DDX50: variants seen among roughly 807,000 people sequenced by gnomAD.
DDX50 encodes the protein ATP-dependent RNA helicase DDX50.
In DDX50, 56 loss-of-function variants were observed where a neutral mutation model predicts 94.8. The observed-to-expected ratio is 0.59, with a 90% CI of 0.48 to 0.74. The LOEUF is 0.74. Ranked by LOEUF, DDX50 falls within the 30% of genes least tolerant of loss-of-function variation. DDX50 has a pLI of 0.00. For synonymous variants in DDX50, 264 were observed against 295.4 expected (o/e 0.89, Z 1.09); for missense variants, 713 against 881.2 (o/e 0.81, Z 2.42).
intron 1 of DDX50, among the ~76,000 whole-genome samples, chr10:68,906,048 T>G (rs888934054): frequency 2.6e-5 from 4 of 152,118 alleles, no homozygotes; most frequent in African/African-American, 4.8e-5. Flanking sequence ...CCCGGTAGGG[T>G]TTGGGGCCTG....
chr10:68,923,111 TAA>T (rs71474455), intron 8 of DDX50, among the ~76,000 whole-genome samples: 18 of 114,448 alleles, frequency 1.6e-4, no homozygotes, highest in African/African-American at 2.1e-4. Context: ...CCCTTTCTCT[TAA>T]AAAAAAAAAA....
intron 8 of DDX50, among the ~76,000 whole-genome samples, chr10:68,923,831 AC>A (rs1444789725): frequency 6.6e-6 from 1 of 151,244 alleles, no homozygotes; most frequent in Non-Finnish European, 1.5e-5. Context: ...GACGTGAGCC[AC>A]CATACCCGGC....
In DDX50 at chr10:68,913,325, CATATTT is replaced by C. The variant is rs754550593; in HGVS notation, c.757+48_757+53del. 3.1e-6 allele frequency: 5 copies of C among 1,601,862 alleles called. No individual in the cohort carries two copies. The South Asian group carries it at 5.6e-5, about 18-fold the overall frequency. On this transcript the variant is annotated intron_variant, in intron 5 of 14. Coordinates refer to ENST00000373585, the MANE Select transcript of DDX50 (RefSeq NM_024045.2). ...GACGTGCAAAGGCATATTTGATACT[CATATTT>C]AAATAAATAATGTGAAAGTTTGAAT...
At chr10:68,940,991 ATAGAGT>A (rs1342324688) in intron 12 of DDX50, 63 bp from the exon 13 acceptor site, 2 of 1,547,814 alleles carry the variant, frequency 1.3e-6, no homozygotes, top group Non-Finnish European at 1.7e-6. Context: ...TTGAAGGATT[ATAGAGT>A]TAGAATTTCA....
chr10:68,924,128 C>T (rs1412061949), intron 8 of DDX50, among the ~76,000 whole-genome samples: 2 of 150,862 alleles, frequency 1.3e-5, no homozygotes, highest in Non-Finnish European at 3.0e-5. Context: ...GGTGGCACCA[C>T]GCCCAGCTAA....
At chr10:68,920,439 T>G (rs554085393) in intron 8 of DDX50, among the ~76,000 whole-genome samples, 1 of 152,242 alleles carries the variant, frequency 6.6e-6, no homozygotes, top group South Asian at 2.1e-4. Context: ...ATGCTGGGAT[T>G]ACAGGTGTGA....
intron 4 of DDX50, among the ~76,000 whole-genome samples, chr10:68,912,171 A>G (rs1366857247): frequency 6.6e-6 from 1 of 152,076 alleles, no homozygotes. Context: ...GAAATAGGAC[A>G]TAGGATATAA....
At chr10:68,905,242 A>C (rs549327514) in intron 1 of DDX50, among the ~76,000 whole-genome samples, 37 of 152,280 alleles carry the variant, frequency 2.4e-4, no homozygotes, top group African/African-American at 8.9e-4. Flanking sequence ...TAAATTCCCA[A>C]ATCATTTATT....
chr10:68,944,792 G>A (rs1410908708), intron 14 of DDX50, among the ~76,000 whole-genome samples: 1 of 151,998 alleles, frequency 6.6e-6, no homozygotes, highest in East Asian at 1.9e-4. Context: ...TGATCCGCCC[G>A]CCTCGGCCTC....
At chr10:68,944,282 C>T (rs917944854) in intron 14 of DDX50, among the ~76,000 whole-genome samples, 15 of 152,044 alleles carry the variant, frequency 9.9e-5, no homozygotes, top group African/African-American at 3.4e-4. Flanking sequence ...ATAGGTTCTT[C>T]CTCCTCCCTC....
In DDX50 at chr10:68,934,926, G is replaced by C. The variant is rs1400998501; in HGVS notation, c.1521+8G>C. ...TATGTGGAACAAAAAGCAGTAAGTA[G>C]AGTTAAATTATTTCAGGCTTATTGT... On this transcript the variant is annotated splice_region_variant and intron_variant, in intron 10 of 14. Coordinates refer to ENST00000373585, the MANE Select transcript of DDX50 (RefSeq NM_024045.2). The surrounding 1 kb of genome is among the most constrained non-coding windows in gnomAD (Gnocchi z 4.0). 2 of 1,609,238 alleles carry C rather than the reference G, an allele frequency of 1.2e-6. No homozygotes were observed. The highest frequency in any genetic ancestry group is 2.2e-5 in the South Asian group (2 of 90,068).
chr10:68,905,473 AG>A (rs1464137337), intron 1 of DDX50, among the ~76,000 whole-genome samples: 1 of 152,090 alleles, frequency 6.6e-6, no homozygotes, highest in Non-Finnish European at 1.5e-5. Context: ...AAGTGCAGGG[AG>A]GAAGCATAAT....
intron 1 of DDX50, among the ~76,000 whole-genome samples, chr10:68,902,025 TGTCA>T (rs1841299975): frequency 6.6e-6 from 1 of 151,888 alleles, no homozygotes; most frequent in Admixed American, 6.6e-5. Flanking sequence ...TAGCCTTTAC[TGTCA>T]GTATTTTCAT....
In DDX50 at chr10:68,901,328, C is replaced by T. The variant is rs5030889; in HGVS notation, c.-57C>T. 43,977 of 1,459,802 alleles carry T rather than the reference C, an allele frequency of 0.03. 927 individuals carry two copies. The highest frequency in any genetic ancestry group is 0.043 in the Middle Eastern group (182 of 4,208). 90.4% of individuals were successfully genotyped at this position (1,459,802 alleles called of 1,614,324 possible). A position where few individuals can be genotyped will look rare whatever the true frequency, so the allele number is the denominator to read the frequency against. On this transcript the variant is annotated 5_prime_UTR_variant, in exon 1 of 15. Transcript: ENST00000373585. The stretch of plus-strand genomic sequence containing the variant: ...TTGCCCCCGCTTCCTTTCACGCTGT[C>T]GCTGCCCGTAGGTGGTTGTGGCCAC...
chr10:68,901,519 GC>G, intron 1 of DDX50, 48 bp downstream of exon 1: 1 of 1,533,766 alleles, frequency 6.5e-7, no homozygotes, highest in Non-Finnish European at 8.8e-7. Flanking sequence ...GCCGGCTTGG[GC>G]GGGGAGGGGA....
intron 14 of DDX50, among the ~76,000 whole-genome samples, chr10:68,945,866 C>T (rs1336247526): frequency 3.3e-5 from 5 of 152,060 alleles, no homozygotes; most frequent in Non-Finnish European, 7.4e-5. Context: ...GGCCTGTCTG[C>T]TTTGTGCTGA....
rs541739660 is a variant in DDX50, at chr10:68,929,445, G to T, written c.1240-4754G>T. ...CCTTCTTTTCTTTCTTTTCTTTCCA[G>T]ATGGAGTTTCACTCTTGTTGCCCAG... On this transcript the variant is annotated intron_variant, in intron 8 of 14. Transcript: ENST00000373585. Among the ~76,000 whole-genome samples the T allele has an allele frequency of 1.9e-3, 263 of 138,216 alleles. 3 individuals are homozygous for T. Among genetic ancestry groups the T allele is most frequent in the African/African-American group, 6.6e-3 (244 of 36,870 alleles). The allele number at this position is 138,216 out of a possible 152,430, so 90.7% of individuals were successfully genotyped here.
chr10:68,945,586 C>T (rs1369767540), intron 14 of DDX50, among the ~76,000 whole-genome samples: 1 of 152,172 alleles, frequency 6.6e-6, no homozygotes, highest in East Asian at 1.9e-4. Flanking sequence ...GGATTACAGA[C>T]ATGAGCTACT....
Position 68,907,073 on chromosome 10 carries a change from A to G in DDX50, c.384+66A>G, listed in dbSNP as rs111288700. 1.1e-3 allele frequency: 1,644 copies of G among 1,443,668 alleles called. 21 individuals carry two copies. The African/African-American group carries it at 0.02, about 17-fold the overall frequency. The allele number at this position is 1,443,668 out of a possible 1,614,324, so 89.4% of individuals were successfully genotyped here. On this transcript the variant is annotated intron_variant, in intron 2 of 14. Transcript: ENST00000373585. ...ACTATAGGTTGATTTGAATTTTTTT[A>G]GGCTAATTAGAATTGATTCTATAAC...
Sources: allele counts gnomAD v4.1 joint callset (sites outside exome capture counted in the v4.1 genomes callset), GRCh38; gene constraint gnomAD v4.1.1; non-coding constraint Gnocchi (gnomAD v3.1); transcripts MANE v1.5; gene names NCBI Gene and HGNC (gene_info 2026-07-23, HGNC 2026-07-21).